Variants in GPC5 observed in about 807,000 individuals in gnomAD.
The protein encoded by GPC5 is glypican-5.
GPC5 carries 47 observed loss-of-function variants against 53.9 expected under a neutral mutation model. The ratio of observed to expected loss-of-function variants is 0.87; its 90% CI spans 0.69 to 1.11. GPC5 has a LOEUF of 1.11. Ranked by LOEUF, GPC5 falls within the 50% of genes most tolerant of loss-of-function variation. The pLI, the probability that GPC5 is intolerant of heterozygous loss-of-function variation, is 0.00. For synonymous variants in GPC5, 286 were observed against 263.3 expected (o/e 1.09, Z -0.84); for missense variants, 748 against 713.1 (o/e 1.05, Z -0.56).
At chr13:92,285,932 A>T (rs375658944) in intron 7 of GPC5, among the ~76,000 whole-genome samples, 2 of 151,580 alleles carry the variant, frequency 1.3e-5, no homozygotes, top group Non-Finnish European at 3.0e-5. Context: ...GCAAAAAAAA[A>T]CCTACCATCA....
intron 7 of GPC5, among the ~76,000 whole-genome samples, chr13:92,481,810 C>T (rs1380705387): frequency 6.6e-6 from 1 of 152,000 alleles, no homozygotes; most frequent in East Asian, 1.9e-4. Flanking sequence ...TAATACCTAG[C>T]TGATGTTGGG....
chr13:91,926,239 T>C (rs1310272590), intron 6 of GPC5, among the ~76,000 whole-genome samples: 1 of 151,602 alleles, frequency 6.6e-6, no homozygotes, highest in Non-Finnish European at 1.5e-5. Flanking sequence ...CATGCACCTG[T>C]AGTCCCAGCT....
At chr13:91,630,736 G>A (rs904748320) in intron 2 of GPC5, among the ~76,000 whole-genome samples, 2 of 152,152 alleles carry the variant, frequency 1.3e-5, no homozygotes, top group African/African-American at 2.4e-5. Flanking sequence ...CCCATGCTGA[G>A]TTCCTGCTCC....
chr13:92,338,425 A>G (rs1476606698), intron 7 of GPC5, among the ~76,000 whole-genome samples: 1 of 152,080 alleles, frequency 6.6e-6, no homozygotes, highest in Non-Finnish European at 1.5e-5. Context: ...ACAGTACCCA[A>G]ATGAATTCAC....
At chr13:92,366,295 A>T (rs2043607056) in intron 7 of GPC5, among the ~76,000 whole-genome samples, 1 of 151,794 alleles carries the variant, frequency 6.6e-6, no homozygotes, top group Non-Finnish European at 1.5e-5. Context: ...TAGCAGCAAG[A>T]TTCTCTGTAT....
At chr13:91,770,373 T>C (rs9523408) in intron 5 of GPC5, among the ~76,000 whole-genome samples, 55,802 of 151,974 alleles carry the variant, frequency 0.37, 11,970 homozygotes, top group South Asian at 0.65. Flanking sequence ...ACTGATTAAC[T>C]CCATTCCCAG....
intron 6 of GPC5, among the ~76,000 whole-genome samples, chr13:91,974,919 G>C (rs867562036): frequency 1.3e-5 from 2 of 152,234 alleles, no homozygotes; most frequent in Middle Eastern, 3.4e-3. Context: ...TACCAAAACA[G>C]AGATATAGAT....
intron 6 of GPC5, among the ~76,000 whole-genome samples, chr13:92,059,048 A>G (rs1365910524): frequency 6.6e-6 from 1 of 152,202 alleles, no homozygotes; most frequent in Non-Finnish European, 1.5e-5. Context: ...TGTACATTTT[A>G]TCTAAGAAGA....
intron 7 of GPC5, among the ~76,000 whole-genome samples, chr13:92,530,952 C>T (rs866090476): frequency 3.3e-5 from 5 of 152,318 alleles, no homozygotes; most frequent in Middle Eastern, 3.4e-3. Context: ...CTGTCACTTT[C>T]TGCTTAAATC....
intron 7 of GPC5, among the ~76,000 whole-genome samples, chr13:92,550,840 G>A (rs190828122): frequency 1.3e-5 from 2 of 151,922 alleles, no homozygotes; most frequent in East Asian, 3.9e-4. Flanking sequence ...GATCAGTGAG[G>A]CAGAAAACAA....
intron 7 of GPC5, among the ~76,000 whole-genome samples, chr13:92,432,662 A>G (rs1877145625): frequency 6.6e-6 from 1 of 151,764 alleles, no homozygotes; most frequent in Admixed American, 6.6e-5. Context: ...GGTGTGAGCC[A>G]TGACGCCTGG....
intron 7 of GPC5, among the ~76,000 whole-genome samples, chr13:92,232,841 T>C (rs2042541239): frequency 1.3e-5 from 2 of 152,166 alleles, no homozygotes; most frequent in Admixed American, 1.3e-4. Context: ...AAAACTATAA[T>C]TGTAGCAGTT....
At chr13:92,465,532 A>T (rs769953528) in intron 7 of GPC5, among the ~76,000 whole-genome samples, 7 of 152,062 alleles carry the variant, frequency 4.6e-5, no homozygotes, top group African/African-American at 1.7e-4. Flanking sequence ...GTTATCTATT[A>T]TGCTATCTTA....
At chr13:92,844,168 C>T (rs1041839651) in intron 7 of GPC5, among the ~76,000 whole-genome samples, 2 of 151,786 alleles carry the variant, frequency 1.3e-5, no homozygotes, top group Admixed American at 6.6e-5. Flanking sequence ...TATTTAAGAA[C>T]GTTGTTTTTA....
At chr13:92,460,374 C>G (rs760348142) in intron 7 of GPC5, among the ~76,000 whole-genome samples, 2 of 152,110 alleles carry the variant, frequency 1.3e-5, no homozygotes, top group Non-Finnish European at 2.9e-5. Flanking sequence ...AAACAGAATA[C>G]ATAGAACTTG....
At chr13:92,597,232 A>T (rs1053357292) in intron 7 of GPC5, among the ~76,000 whole-genome samples, 1 of 150,866 alleles carries the variant, frequency 6.6e-6, no homozygotes, top group Non-Finnish European at 1.5e-5. Flanking sequence ...CCACATCCTC[A>T]TCTTCTGGAG....
intron 2 of GPC5, among the ~76,000 whole-genome samples, chr13:91,537,899 C>T (rs982666719): frequency 6.6e-6 from 1 of 152,136 alleles, no homozygotes; most frequent in African/African-American, 2.4e-5. Flanking sequence ...GAATTGAAAA[C>T]GTATATTTAC....
intron 2 of GPC5, among the ~76,000 whole-genome samples, chr13:91,464,456 C>A (rs1882114989): frequency 6.6e-6 from 1 of 152,048 alleles, no homozygotes; most frequent in African/African-American, 2.4e-5. Context: ...GTAGTAGCCC[C>A]AAACAGGAAA....
chr13:92,637,060 C>A (rs1464692088), intron 7 of GPC5, among the ~76,000 whole-genome samples: 1 of 152,116 alleles, frequency 6.6e-6, no homozygotes, highest in Non-Finnish European at 1.5e-5. Context: ...TCCATGACCA[C>A]CTCCCCACTC....
Sources: allele counts gnomAD v4.1 joint callset (sites outside exome capture counted in the v4.1 genomes callset), GRCh38; gene constraint gnomAD v4.1.1; transcripts MANE v1.5; gene names NCBI Gene and HGNC (gene_info 2026-07-23, HGNC 2026-07-21).